CGB5: variants seen among roughly 807,000 people sequenced by gnomAD.
CGB5 encodes chorionic gonadotropin, beta polypeptide 5.
A neutral mutation model predicts 7.6 loss-of-function variants in CGB5; 2 were observed. The ratio of observed to expected loss-of-function variants is 0.26; its 90% confidence interval spans 0.11 to 0.83. The LOEUF (loss-of-function observed/expected upper bound fraction) is 0.83, where lower values mean the gene tolerates loss of function less well. Among genes scored for constraint, CGB5 ranks in the 40% least tolerant of loss-of-function variants. The pLI, the probability that CGB5 is intolerant of heterozygous loss-of-function variation, is 0.65. For synonymous variants in CGB5, 25 were observed against 99.8 expected, an observed-to-expected ratio of 0.25 and a Z score of 4.47; for missense variants, 48 against 228.2, an observed-to-expected ratio of 0.21 and a Z score of 5.09.
At chr19:49,044,886 C>T (rs1222706643) in intron 2 of CGB5, 94 bp from the exon 3 acceptor site, 3 of 1,576,746 alleles carry the variant, frequency 1.9e-6, no homozygotes, top group South Asian at 1.1e-5. Context: ...GCTTCCCGGA[C>T]CCCTGAGTCT....
chr19:49,044,245 G>C (rs2039914997), intron 1 of CGB5, 21 bp downstream of exon 1: 1 of 1,613,050 alleles, frequency 6.2e-7, no homozygotes, highest in Admixed American at 1.7e-5. Context: ...AGGGCCCCTG[G>C]GCACCTTCCA....
rs1476504710 is a variant in CGB5, at chr19:49,043,986, C to G, written c.-224C>G. The stretch of plus-strand genomic sequence containing the variant: ...CTCGACGACTGAGTCTCTGAGATCA[C>G]TTCACCGTGGTCTCCGCCTCACCCT... On this transcript the variant is annotated 5_prime_UTR_variant, in exon 1 of 3. Coordinates refer to ENST00000301408, the MANE Select transcript of CGB5 (RefSeq NM_033043.2). 4 of 1,234,802 alleles carry G rather than the reference C, an allele frequency of 3.2e-6. No homozygotes were observed. The highest frequency in any genetic ancestry group is 2.5e-5 in the East Asian group (1 of 39,538). 76.5% of individuals were successfully genotyped at this position (1,234,802 alleles called of 1,614,324 possible).
chr19:49,045,271 G>A lies in CGB5; in HGVS notation c.475G>A (p.Asp159Asn), dbSNP rs1355237367. 8.1e-6 allele frequency: 13 copies of A among 1,608,830 alleles called. No homozygotes were observed. In the Admixed American group the frequency reaches 8.4e-5, roughly 10 times the overall value. The change falls in exon 3 of 3, where the codon GAC (aspartate) becomes AAC (asparagine). Residue 159 changes from aspartate (D) to asparagine (N), a missense_variant. Coordinates refer to ENST00000301408, the MANE Select transcript of CGB5 (RefSeq NM_033043.2). The stretch of plus-strand genomic sequence containing the variant: ...TCCATCCCGACTCCCGGGGCCCTCG[G>A]ACACCCCGATCCTCCCACAATAAAG... ...PSPSRLPGPS[D>N]TPILPQ
intron 1 of CGB5, 133 bp from the exon 2 acceptor site, chr19:49,044,444 G>A (rs1230133502): frequency 6.9e-6 from 10 of 1,457,392 alleles, no homozygotes; most frequent in Middle Eastern, 2.5e-4. Context: ...GCAGGTGTCC[G>A]GGTGGTGGGT....
At chr19:49,044,277 G>C (rs1305696300) in intron 1 of CGB5, 53 bp downstream of exon 1, 5 of 1,612,230 alleles carry the variant, frequency 3.1e-6, no homozygotes, top group African/African-American at 1.3e-5. Flanking sequence ...GCAATCACTG[G>C]CATGAGAAGG....
At chr19:49,044,331 A>T in intron 1 of CGB5, 107 bp downstream of exon 1, 12 of 1,607,578 alleles carry the variant, frequency 7.5e-6, no homozygotes, top group South Asian at 1.1e-5. Context: ...TTTCTGGAGG[A>T]GCGTGACCCC....
At chr19:49,044,385 A>C (rs1226124742) in intron 1 of CGB5, 161 bp downstream of exon 1, 45 of 982,528 alleles carry the variant, frequency 4.6e-5, no homozygotes, top group Admixed American at 1.2e-4. Context: ...GGGGATCTGA[A>C]ATTTTGGGGC....
Position 49,045,008 on chromosome 19 carries a change from C to T in CGB5, c.212C>T (p.Ala71Val), listed in dbSNP as rs2039923320. 1 of 1,576,090 alleles carries T rather than the reference C, an allele frequency of 6.3e-7. No individual in the cohort carries two copies. Among genetic ancestry groups the T allele is most frequent in the Non-Finnish European group, 8.5e-7 (1 of 1,170,090 alleles). The part of the protein sequence containing the change: ...MTRVLQGVLP[A>V]LPQVVCNYRD... ...CGCGTGCTGCAGGGGGTCCTGCCGG[C>T]CCTGCCTCAGGTGGTGTGCAACTAC... The change falls in exon 3 of 3, where the codon GCC becomes GTC. Residue 71 changes from alanine (A) to valine (V), a missense_variant. Around this residue, in one of 3 missense-constraint regions of CGB5, gnomAD observed 34 missense variants for 145.1 expected, o/e 0.23. Coordinates refer to ENST00000301408, the MANE Select transcript of CGB5 (RefSeq NM_033043.2).
At chr19:49,044,272 C>G (rs1219096656) in intron 1 of CGB5, 48 bp downstream of exon 1, 6 of 1,612,452 alleles carry the variant, frequency 3.7e-6, no homozygotes, top group South Asian at 1.1e-5. Flanking sequence ...TCCAGGCAAT[C>G]ACTGGCATGA....
chr19:49,043,964 G>C lies in CGB5; in HGVS notation c.-246G>C, dbSNP rs1425368920. The C allele has an allele frequency of 8.3e-7, 1 of 1,208,828 alleles. No homozygotes were observed. Among genetic ancestry groups the C allele is most frequent in the Admixed American group, 2.8e-5 (1 of 35,652 alleles). 74.9% of individuals were successfully genotyped at this position (1,208,828 alleles called of 1,614,324 possible). On this transcript the variant is annotated 5_prime_UTR_variant, in exon 1 of 3. Transcript: ENST00000301408. ...CAGGCTCGACTAGTCCCTAGCACTC[G>C]ACGACTGAGTCTCTGAGATCACTTC...
Position 49,044,130 on chromosome 19 carries a change from C to A in CGB5, c.-80C>A. The A allele has an allele frequency of 6.2e-7, 1 of 1,613,788 alleles. No individual in the cohort carries two copies. The highest frequency in any genetic ancestry group is 8.5e-7 in the Non-Finnish European group (1 of 1,179,802). ...TTAGTGTCGAGCTCACCCCAGCATC[C>A]TACAACCTCCTGGTGGCCTTGCCGC... On this transcript the variant is annotated 5_prime_UTR_variant, in exon 1 of 3. Coordinates refer to ENST00000301408, the MANE Select transcript of CGB5 (RefSeq NM_033043.2).
chr19:49,044,100 A>C lies in CGB5; in HGVS notation c.-110A>C. 1 of 1,606,154 alleles carries C rather than the reference A, an allele frequency of 6.2e-7. No individual in the cohort carries two copies. The highest frequency in any genetic ancestry group is 1.7e-5 in the Admixed American group (1 of 59,884). ...GGCCTTGTCTACCTCTTGCCCCCCG[A>C]AGGGTTAGTGTCGAGCTCACCCCAG... is the stretch of plus-strand genomic sequence containing the variant. On this transcript the variant is annotated 5_prime_UTR_variant, in exon 1 of 3. Coordinates refer to ENST00000301408, the MANE Select transcript of CGB5 (RefSeq NM_033043.2).
Position 49,044,112 on chromosome 19 carries a change from C to T in CGB5, c.-98C>T, listed in dbSNP as rs570939829. ...CTCTTGCCCCCCGAAGGGTTAGTGT[C>T]GAGCTCACCCCAGCATCCTACAACC... On this transcript the variant is annotated 5_prime_UTR_variant, in exon 1 of 3. Coordinates refer to ENST00000301408, the MANE Select transcript of CGB5 (RefSeq NM_033043.2). The T allele has an allele frequency of 1.7e-5, 28 of 1,611,922 alleles. No individual in the cohort carries two copies. In the East Asian group the frequency reaches 2.2e-4, roughly 13 times the overall value.
rs527749182 is a variant in CGB5, at chr19:49,044,081, G to A, written c.-129G>A. ...GCCACTCCTGCGCCCCCCTGGCCTTGTCTACCTCTTGCCCCCCGAAGGGTT... is the reference window on the plus strand; with the variant it reads ...GCCACTCCTGCGCCCCCCTGGCCTTATCTACCTCTTGCCCCCCGAAGGGTT... On this transcript the variant is annotated 5_prime_UTR_variant, in exon 1 of 3. Coordinates refer to ENST00000301408, the MANE Select transcript of CGB5 (RefSeq NM_033043.2). The A allele has an allele frequency of 1.5e-4, 236 of 1,555,324 alleles. No homozygotes were observed. Among genetic ancestry groups the A allele is most frequent in the Middle Eastern group, 3.6e-4 (2 of 5,518 alleles).
rs1347997535 is a variant in CGB5, at chr19:49,044,998, G to T, written c.202G>T (p.Val68Phe). The stretch of plus-strand genomic sequence containing the variant: ...CTTCCAGACCCGCGTGCTGCAGGGG[G>T]TCCTGCCGGCCCTGCCTCAGGTGGT... ...CPTMTRVLQGVLPALPQVVCN... is the reference protein window; with the variant it reads ...CPTMTRVLQGFLPALPQVVCN... The change falls in exon 3 of 3, where the codon GTC (valine) becomes TTC (phenylalanine). Residue 68 changes from valine to phenylalanine, a missense_variant. By Grantham distance (50) the Val-to-Phe change is conservative. Coordinates refer to ENST00000301408, the MANE Select transcript of CGB5 (RefSeq NM_033043.2). The T allele has an allele frequency of 1.9e-6, 3 of 1,569,094 alleles. No individual in the cohort carries two copies. The highest frequency in any genetic ancestry group is 1.7e-5 in the Admixed American group (1 of 57,422).
At chr19:49,044,468 T>C in intron 1 of CGB5, 109 bp from the exon 2 acceptor site, 1 of 1,417,408 alleles carries the variant, frequency 7.1e-7, no homozygotes, top group South Asian at 1.5e-5. Context: ...GAATAGGAGA[T>C]GCCGGGAAGG....
intron 1 of CGB5, 166 bp downstream of exon 1, chr19:49,044,390 T>A (rs1319699383): frequency 2.0e-6 from 2 of 982,346 alleles, no homozygotes; most frequent in African/African-American, 1.8e-5. Flanking sequence ...TCTGAAATTT[T>A]GGGGCATCTC....
chr19:49,044,415 G>A (rs2039917186), intron 1 of CGB5, 162 bp from the exon 2 acceptor site: 1 of 982,144 alleles, frequency 1.0e-6, no homozygotes, highest in Admixed American at 6.2e-5. Context: ...CCTCTGGGCT[G>A]TGGGGTGGGC....
chr19:49,043,897 T>C lies in CGB5; in HGVS notation c.-313T>C, dbSNP rs2039909800. 4.0e-6 allele frequency: 5 copies of C among 1,260,902 alleles called. No homozygotes were observed. The highest frequency in any genetic ancestry group is 1.5e-5 in the African/African-American group (1 of 65,786). 78.1% of individuals were successfully genotyped at this position (1,260,902 alleles called of 1,614,324 possible). A position where few individuals can be genotyped will look rare whatever the true frequency, so the allele number is the denominator to read the frequency against. ...CCTCCTGGCTCCCAGGACCCCACCA[T>C]AGGCAGAGGCAGGCCTTCCTACACC... On this transcript the variant is annotated 5_prime_UTR_variant, in exon 1 of 3. Transcript: ENST00000301408.
Sources: allele counts gnomAD v4.1 joint callset, GRCh38; gene constraint gnomAD v4.1.1; regional missense constraint gnomAD v4.1.1; transcripts MANE v1.5; gene names NCBI Gene and HGNC (gene_info 2026-07-23, HGNC 2026-07-21).